TGS1: variants seen among roughly 807,000 people sequenced by gnomAD.
TGS1 encodes the protein trimethylguanosine synthase 1.
Under a neutral mutation model 92.2 loss-of-function variants are expected in TGS1, and 69 were observed. That is an observed-to-expected ratio of 0.75 (90% CI 0.62 to 0.91). The LOEUF (loss-of-function observed/expected upper bound fraction) is 0.91. Ranked by LOEUF, TGS1 falls within the 40% of genes least tolerant of loss-of-function variation. TGS1 has a pLI of 0.00. For missense variants in TGS1, 1,062 were observed against 1,001.2 expected (o/e 1.06, Z -0.82); for synonymous variants, 345 against 338.1 (o/e 1.02, Z -0.22).
At chr8:55,780,699 C>G (rs77591364) in intron 1 of TGS1, among the ~76,000 whole-genome samples, 1 of 152,164 alleles carries the variant, frequency 6.6e-6, no homozygotes, top group Non-Finnish European at 1.5e-5. Context: ...AGGAGTAGTT[C>G]TTGTCTTCTT....
chr8:55,786,759 C>T lies in TGS1; in HGVS notation c.861C>T (p.Cys287=). 6.2e-7 allele frequency: 1 copy of T among 1,614,126 alleles called. No individual in the cohort carries two copies. Among genetic ancestry groups the T allele is most frequent in the Non-Finnish European group, 8.5e-7 (1 of 1,180,038 alleles). The change falls in exon 4 of 13, where the codon TGC becomes TGT. Residue 287 remains cysteine (C), a synonymous_variant. Transcript: ENST00000260129. The part of the protein sequence containing the change: ...TEADDKNDEK[C]MKVDLVSFPS... ...CTGATGACAAGAACGATGAAAAATG[C>T]ATGAAAGTTGACTTAGTATCTTTTC...
intron 3 of TGS1, 75 bp from the exon 4 acceptor site, chr8:55,786,163 A>G: frequency 1.1e-6 from 1 of 906,548 alleles, no homozygotes; most frequent in South Asian, 2.0e-5. Flanking sequence ...ATTTAATGTC[A>G]AAATAGACTT....
At chr8:55,795,532 C>T (rs555938735) in intron 6 of TGS1, among the ~76,000 whole-genome samples, 3 of 152,212 alleles carry the variant, frequency 2.0e-5, no homozygotes, top group Admixed American at 6.5e-5. Context: ...TATTTTGATA[C>T]GAAGGGTTCG....
chr8:55,816,860 A>ATT (rs11439748), intron 12 of TGS1, among the ~76,000 whole-genome samples: 2 of 51,926 alleles, frequency 3.9e-5, no homozygotes, highest in African/African-American at 1.5e-4. Context: ...TCTCTATTTT[A>ATT]TTTATTTTTT....
chr8:55,815,782 A>G (rs1412172021), intron 12 of TGS1, among the ~76,000 whole-genome samples: 1 of 151,818 alleles, frequency 6.6e-6, no homozygotes, highest in Admixed American at 6.6e-5. Flanking sequence ...CCTTTTTTCT[A>G]TTTGGAGATG....
chr8:55,794,599 A>T (rs1811988923), intron 6 of TGS1, among the ~76,000 whole-genome samples: 1 of 152,250 alleles, frequency 6.6e-6, no homozygotes, highest in African/African-American at 2.4e-5. Flanking sequence ...AGAAAATAAA[A>T]AAATAAAATG....
At chr8:55,783,104 A>G (rs1426472978) in intron 2 of TGS1, among the ~76,000 whole-genome samples, 1 of 152,124 alleles carries the variant, frequency 6.6e-6, no homozygotes, top group African/African-American at 2.4e-5. Context: ...CCTGGAATTT[A>G]AAGCTTTGAA....
At chr8:55,808,978 G>T (rs527981470) in intron 10 of TGS1, among the ~76,000 whole-genome samples, 1 of 152,298 alleles carries the variant, frequency 6.6e-6, no homozygotes, top group African/African-American at 2.4e-5. Flanking sequence ...TAGTGTGTTT[G>T]TGTATACATA....
chr8:55,786,628 C>T lies in TGS1; in HGVS notation c.730C>T (p.Leu244Phe). The T allele has an allele frequency of 6.2e-7, 1 of 1,614,166 alleles. No individual in the cohort carries two copies. Among genetic ancestry groups the T allele is most frequent in the Non-Finnish European group, 8.5e-7 (1 of 1,180,034 alleles). ...KEEWEQHYSQ[L>F]YWYYLEQFQY... ...AGAATGGGAGCAACATTATAGTCAA[C>T]TTTATTGGTATTATTTGGAACAATT... Residue 244 changes from leucine (L) to phenylalanine (F), a missense_variant, in exon 4 of 13, where the codon CTT becomes TTT. Physicochemically the swap from Leu to Phe is conservative, Grantham distance 22. Coordinates refer to ENST00000260129, the MANE Select transcript of TGS1 (RefSeq NM_024831.8).
At chr8:55,803,437 C>G (rs1812277484) in intron 9 of TGS1, among the ~76,000 whole-genome samples, 1 of 152,096 alleles carries the variant, frequency 6.6e-6, no homozygotes, top group African/African-American at 2.4e-5. Context: ...AGTTCTTGAT[C>G]TATGATGGAA....
intron 11 of TGS1, among the ~76,000 whole-genome samples, chr8:55,811,306 T>C (rs556051711): frequency 1.4e-3 from 213 of 150,690 alleles, no homozygotes; most frequent in Non-Finnish European, 2.0e-3. Context: ...CTACTAAAAG[T>C]ACAAAAATTA....
chr8:55,822,627 C>T (rs1467571856), intron 12 of TGS1, among the ~76,000 whole-genome samples: 1 of 150,724 alleles, frequency 6.6e-6, no homozygotes, highest in Non-Finnish European at 1.5e-5. Flanking sequence ...AACATTTATT[C>T]CTAATAATTG....
chr8:55,802,567 C>T lies in TGS1; in HGVS notation c.1960C>T (p.Leu654Phe). 6.2e-7 allele frequency: 1 copy of T among 1,614,060 alleles called. No homozygotes were observed. Among genetic ancestry groups the T allele is most frequent in the South Asian group, 1.1e-5 (1 of 91,050 alleles). ...AAAATACTGGGCCCAGAGGTACAGG[C>T]TCTTCTCCCGTTTTGATGATGGGAT... ...LAKYWAQRYR[L>F]FSRFDDGIKL... is the part of the protein sequence containing the mutation. The change falls in exon 9 of 13, where the codon CTC becomes TTC. Residue 654 changes from leucine to phenylalanine, a missense_variant. By Grantham distance (22) the Leu-to-Phe change is conservative. Coordinates refer to ENST00000260129, the MANE Select transcript of TGS1 (RefSeq NM_024831.8).
chr8:55,782,515 C>T (rs1282676515), intron 1 of TGS1, among the ~76,000 whole-genome samples: 1 of 152,184 alleles, frequency 6.6e-6, no homozygotes, highest in African/African-American at 2.4e-5. Context: ...GTAATAAATG[C>T]TACCATGTAT....
intron 9 of TGS1, among the ~76,000 whole-genome samples, chr8:55,804,660 AC>A (rs1812313056): frequency 6.6e-6 from 1 of 152,246 alleles, no homozygotes; most frequent in South Asian, 2.1e-4. Context: ...ATACAGTATT[AC>A]AAAAGAATTA....
At chr8:55,812,333 G>C (rs1266005214) in intron 11 of TGS1, among the ~76,000 whole-genome samples, 1 of 151,942 alleles carries the variant, frequency 6.6e-6, no homozygotes, top group African/African-American at 2.4e-5. Context: ...TTCAAGACCA[G>C]CCTGGCCAAC....
chr8:55,800,290 T>C (rs148266148), intron 8 of TGS1, among the ~76,000 whole-genome samples: 1 of 152,326 alleles, frequency 6.6e-6, no homozygotes, highest in East Asian at 1.9e-4. Context: ...TCATATGACA[T>C]TTGTAGGTTT....
At chr8:55,788,694 C>A (rs1811788795) in intron 4 of TGS1, among the ~76,000 whole-genome samples, 1 of 151,972 alleles carries the variant, frequency 6.6e-6, no homozygotes, top group African/African-American at 2.4e-5. Flanking sequence ...AAACTCCTGA[C>A]CTCAAGTGAT....
chr8:55,787,086 C>A, intron 4 of TGS1, 26 bp downstream of exon 4: 1 of 1,540,176 alleles, frequency 6.5e-7, no homozygotes, highest in Non-Finnish European at 8.8e-7. Context: ...ATTTATTCTG[C>A]CATGTAATGG....
Sources: allele counts gnomAD v4.1 joint callset (sites outside exome capture counted in the v4.1 genomes callset), GRCh38; gene constraint gnomAD v4.1.1; transcripts MANE v1.5; gene names NCBI Gene and HGNC (gene_info 2026-07-23, HGNC 2026-07-21).